ROBO2: variants seen among roughly 807,000 people sequenced by gnomAD.
ROBO2 encodes the protein roundabout guidance receptor 2.
In ROBO2, 53 loss-of-function variants were observed where a neutral mutation model predicts 160.8. The observed-to-expected ratio is 0.33, with a 90% CI of 0.26 to 0.41. The LOEUF is 0.41. Among genes scored for constraint, ROBO2 ranks in the 10% least tolerant of loss-of-function variants. The pLI is 1.00. For missense variants in ROBO2, 1,577 were observed against 1,722.4 expected (o/e 0.92, Z 1.49); for synonymous variants, 664 against 611.7 (o/e 1.09, Z -1.26).
chr3:77,475,944 G>A (rs2083943609), intron 2 of ROBO2, among the ~76,000 whole-genome samples: 1 of 152,176 alleles, frequency 6.6e-6, no homozygotes, highest in Non-Finnish European at 1.5e-5. Context: ...CTTTAGCAGT[G>A]AAATCAGTAA....
At chr3:76,649,770 T>A (rs764007475) in intron 2 of ROBO2, among the ~76,000 whole-genome samples, 19 of 152,252 alleles carry the variant, frequency 1.2e-4, no homozygotes, top group South Asian at 6.2e-4. Flanking sequence ...TGGATATGAA[T>A]AGGTATCAGG....
At chr3:77,609,791 C>CATATATATATATATATATATAT (rs34908269) in intron 21 of ROBO2, among the ~76,000 whole-genome samples, 51 of 143,664 alleles carry the variant, frequency 3.5e-4, no homozygotes, top group African/African-American at 1.2e-3. Flanking sequence ...TTTATATATA[C>CATATATATATATATATATATAT]ATATATATAT....
chr3:76,212,993 T>G lies in ROBO2; in HGVS notation c.109+275391T>G, dbSNP rs143639502. On this transcript the variant is annotated intron_variant, in intron 2 of 26. Transcript: ENST00000487694. ...GCTACAGAAATCTTAAGGCCTATTT[T>G]GTAAGTTAAACACTATCTCTTTAGC... 3.4e-3 allele frequency among the ~76,000 whole-genome samples: 516 copies of G among 152,260 alleles called. 8 individuals carry two copies. Among genetic ancestry groups the G allele is most frequent in the Admixed American group, 0.025 (389 of 15,288 alleles).
chr3:77,268,328 T>C (rs2153349809), intron 2 of ROBO2, among the ~76,000 whole-genome samples: 1 of 152,296 alleles, frequency 6.6e-6, no homozygotes, highest in South Asian at 2.1e-4. Flanking sequence ...AGGGCATTTG[T>C]ATGGAATAAC....
At chr3:75,931,501 A>G (rs987057527) in intron 1 of ROBO2, among the ~76,000 whole-genome samples, 2 of 151,956 alleles carry the variant, frequency 1.3e-5, no homozygotes, top group African/African-American at 4.8e-5. Context: ...ACAAGCACAC[A>G]CCACTACACC....
At chr3:76,554,072 A>G (rs1304978272) in intron 2 of ROBO2, among the ~76,000 whole-genome samples, 1 of 152,196 alleles carries the variant, frequency 6.6e-6, no homozygotes, top group African/African-American at 2.4e-5. Flanking sequence ...ATAATCACAC[A>G]CATGAAAATG....
intron 2 of ROBO2, among the ~76,000 whole-genome samples, chr3:76,859,384 T>C (rs1478072329): frequency 6.6e-6 from 1 of 152,184 alleles, no homozygotes; most frequent in Non-Finnish European, 1.5e-5. Context: ...ACAGCTCACA[T>C]AGGATGGCTT....
chr3:76,112,746 T>C (rs1049208764), intron 2 of ROBO2, among the ~76,000 whole-genome samples: 13 of 152,064 alleles, frequency 8.5e-5, no homozygotes, highest in Admixed American at 5.9e-4. Flanking sequence ...ATAATAAAAT[T>C]ATGTGATTGA....
At chr3:77,442,681 G>A (rs2080076955) in intron 2 of ROBO2, among the ~76,000 whole-genome samples, 1 of 152,086 alleles carries the variant, frequency 6.6e-6, no homozygotes, top group Admixed American at 6.5e-5. Context: ...CCCCACATAT[G>A]ACCCTAAGTA....
At chr3:76,132,403 G>GT (rs1217909240) in intron 2 of ROBO2, among the ~76,000 whole-genome samples, 1 of 136,258 alleles carries the variant, frequency 7.3e-6, no homozygotes, top group Admixed American at 7.2e-5. Context: ...TTGGGGGGGG[G>GT]GGGGGACGCA....
intron 2 of ROBO2, among the ~76,000 whole-genome samples, chr3:77,467,635 T>TATCTATC (rs1560918725): frequency 4.4e-4 from 56 of 127,298 alleles, no homozygotes; most frequent in East Asian, 2.3e-3. Flanking sequence ...ATCTATCATC[T>TATCTATC]ATCTATCTAT....
intron 2 of ROBO2, among the ~76,000 whole-genome samples, chr3:76,502,334 T>C (rs983448849): frequency 1.3e-5 from 2 of 152,202 alleles, no homozygotes; most frequent in African/African-American, 2.4e-5. Context: ...CACCCAATCC[T>C]GTTCCACCTG....
At chr3:77,382,478 T>G (rs1384899065) in intron 2 of ROBO2, among the ~76,000 whole-genome samples, 3 of 152,128 alleles carry the variant, frequency 2.0e-5, no homozygotes, top group Non-Finnish European at 4.4e-5. Flanking sequence ...TTGAATTGTG[T>G]AGCGGCGAAT....
At chr3:77,375,279 A>G (rs934101624) in intron 2 of ROBO2, among the ~76,000 whole-genome samples, 2 of 152,230 alleles carry the variant, frequency 1.3e-5, no homozygotes, top group African/African-American at 2.4e-5. Context: ...TAGAAAGTCT[A>G]TTTAACCTCT....
At chr3:76,173,476 A>T (rs2073117371) in intron 2 of ROBO2, among the ~76,000 whole-genome samples, 4 of 151,602 alleles carry the variant, frequency 2.6e-5, no homozygotes, top group Admixed American at 1.3e-4. Flanking sequence ...TAAGCCCCAC[A>T]TGCATTAGGT....
At chr3:76,077,164 A>G (rs1235965546) in intron 2 of ROBO2, among the ~76,000 whole-genome samples, 1 of 152,234 alleles carries the variant, frequency 6.6e-6, no homozygotes, top group Non-Finnish European at 1.5e-5. Flanking sequence ...CCATGAATGG[A>G]GTGATTATAT....
At chr3:76,749,342 G>A (rs2093942893) in intron 2 of ROBO2, among the ~76,000 whole-genome samples, 1 of 151,790 alleles carries the variant, frequency 6.6e-6, no homozygotes, top group African/African-American at 2.4e-5. Flanking sequence ...AATTTACTCA[G>A]ATGAGATTCA....
At chr3:77,434,731 G>A (rs2079114997) in intron 2 of ROBO2, among the ~76,000 whole-genome samples, 1 of 152,094 alleles carries the variant, frequency 6.6e-6, no homozygotes. Flanking sequence ...CCTAGGTAAG[G>A]AAGAGCAAAT....
chr3:76,697,903 T>G (rs1351497165), intron 2 of ROBO2, among the ~76,000 whole-genome samples: 1 of 152,090 alleles, frequency 6.6e-6, no homozygotes, highest in African/African-American at 2.4e-5. Context: ...GAATAGTATC[T>G]TAAAAAATTT....
Sources: gnomAD v4.1 joint callset for allele counts (sites outside exome capture counted in the v4.1 genomes callset) on GRCh38, gnomAD v4.1.1 for gene constraint, MANE v1.5 for transcripts, NCBI Gene and HGNC (gene_info 2026-07-23, HGNC 2026-07-21) for gene names.